Variants in ABTB3 observed in about 807,000 individuals in gnomAD.
ABTB3 encodes the protein ankyrin repeat and BTB domain containing 3, also known as ankyrin repeat- and BTB/POZ domain-containing protein 3.
chr12:107,466,539 G>T, the ABTB3 span, among the ~76,000 whole-genome samples: 25 of 148,554 alleles, frequency 1.7e-4, no homozygotes, highest in South Asian at 5.3e-3. Context: ...GGTGTCAAAA[G>T]GAGCCTGGTT....
At chr12:107,349,401 A>G in the ABTB3 span, among the ~76,000 whole-genome samples, 1 of 152,202 alleles carries the variant, frequency 6.6e-6, no homozygotes, top group Non-Finnish European at 1.5e-5. Context: ...GACTCAGAGT[A>G]AGGTGCATAA....
chr12:107,607,255 C>A, the ABTB3 span, among the ~76,000 whole-genome samples: 1 of 152,164 alleles, frequency 6.6e-6, no homozygotes, highest in South Asian at 2.1e-4. Flanking sequence ...AATCTGGTAA[C>A]CCTAGCTGTA....
At chr12:107,376,612 G>A in the ABTB3 span, among the ~76,000 whole-genome samples, 5,217 of 150,460 alleles carry the variant, frequency 0.035, 264 homozygotes, top group African/African-American at 0.12. Context: ...GCTGTGATTC[G>A]TCTGTGACCC....
chr12:107,439,314 G>C, the ABTB3 span, among the ~76,000 whole-genome samples: 2 of 152,140 alleles, frequency 1.3e-5, no homozygotes, highest in Admixed American at 6.5e-5. Flanking sequence ...GTTTGGAATA[G>C]GAAGGAAGCA....
At chr12:107,435,963 A>T in the ABTB3 span, among the ~76,000 whole-genome samples, 1 of 152,230 alleles carries the variant, frequency 6.6e-6, no homozygotes, top group African/African-American at 2.4e-5. Context: ...TTAATTTTTT[A>T]AAATTTTGAA....
the ABTB3 span, among the ~76,000 whole-genome samples, chr12:107,645,458 T>G: frequency 6.6e-6 from 1 of 152,172 alleles, no homozygotes; most frequent in African/African-American, 2.4e-5. Context: ...CCGCTGCTGC[T>G]CCTAGCAGAG....
chr12:107,582,733 TG>T, the ABTB3 span, among the ~76,000 whole-genome samples: 1 of 152,194 alleles, frequency 6.6e-6, no homozygotes, highest in Non-Finnish European at 1.5e-5. Context: ...GAAATTCTTG[TG>T]GTCCTACTCT....
At chr12:107,372,877 A>G in the ABTB3 span, among the ~76,000 whole-genome samples, 2 of 152,294 alleles carry the variant, frequency 1.3e-5, no homozygotes, top group African/African-American at 4.8e-5. Flanking sequence ...AGCTGCAGGG[A>G]CATTGCCTCT....
the ABTB3 span, among the ~76,000 whole-genome samples, chr12:107,578,694 A>G: frequency 6.6e-6 from 1 of 152,100 alleles, no homozygotes; most frequent in Non-Finnish European, 1.5e-5. Context: ...AGACAGTAGA[A>G]TCCAATTCAA....
chr12:107,564,088 C>G, the ABTB3 span, among the ~76,000 whole-genome samples: 42 of 138,062 alleles, frequency 3.0e-4, no homozygotes, highest in East Asian at 5.8e-3. Context: ...CTATCTATCT[C>G]TCTGTGTGTG....
chr12:107,644,801 C>T, the ABTB3 span, among the ~76,000 whole-genome samples: 7 of 152,068 alleles, frequency 4.6e-5, no homozygotes, highest in African/African-American at 1.7e-4. Context: ...CAATGTTTGG[C>T]CCCCACTTAT....
the ABTB3 span, among the ~76,000 whole-genome samples, chr12:107,506,982 G>T: frequency 6.6e-6 from 1 of 152,176 alleles, no homozygotes. Context: ...TATTATTGAA[G>T]TTTTAAAAAC....
chr12:107,595,464 G>A, the ABTB3 span, among the ~76,000 whole-genome samples: 2 of 152,136 alleles, frequency 1.3e-5, no homozygotes, highest in African/African-American at 2.4e-5. Flanking sequence ...CTTAAGAGGT[G>A]GGGAACTTCC....
At chr12:107,450,275 C>T in the ABTB3 span, among the ~76,000 whole-genome samples, 1 of 152,026 alleles carries the variant, frequency 6.6e-6, no homozygotes, top group African/African-American at 2.4e-5. Context: ...ATTGTAGGGG[C>T]AAGGGAAAGC....
the ABTB3 span, among the ~76,000 whole-genome samples, chr12:107,555,847 A>AGT: frequency 9.2e-5 from 14 of 152,278 alleles, no homozygotes; most frequent in African/African-American, 3.4e-4. Context: ...CCCTTCCAGA[A>AGT]AAACAGACTG....
At chr12:107,589,286 T>C in the ABTB3 span, among the ~76,000 whole-genome samples, 776 of 152,358 alleles carry the variant, frequency 5.1e-3, 6 homozygotes, top group African/African-American at 0.016. Context: ...AATAAATATC[T>C]TGAAGAGATG....
chr12:107,417,441 T>C, the ABTB3 span, among the ~76,000 whole-genome samples: 1 of 152,210 alleles, frequency 6.6e-6, no homozygotes, highest in Non-Finnish European at 1.5e-5. Flanking sequence ...CACTTGTCTT[T>C]GGACAGTATC....
chr12:107,377,458 A>G, the ABTB3 span, among the ~76,000 whole-genome samples: 33 of 147,108 alleles, frequency 2.2e-4, no homozygotes, highest in South Asian at 3.7e-3. Flanking sequence ...TGTCCCATGT[A>G]TACTCCGTTT....
At chr12:107,577,632 C>T in the ABTB3 span, among the ~76,000 whole-genome samples, 4 of 152,060 alleles carry the variant, frequency 2.6e-5, no homozygotes, top group African/African-American at 7.2e-5. Context: ...AGCCTCTAGT[C>T]GCACCCTATA....
Sources: gnomAD v4.1 joint callset for allele counts (sites outside exome capture counted in the v4.1 genomes callset) on GRCh38, gnomAD v4.1.1 for gene constraint, MANE v1.5 for transcripts, NCBI Gene and HGNC (gene_info 2026-07-23, HGNC 2026-07-21) for gene names.